Variants in COPS8 observed in about 807,000 individuals in gnomAD.
COPS8 encodes the protein COP9 signalosome subunit 8.
COPS8 carries 11 observed loss-of-function variants against 31.5 expected under a neutral mutation model. That is an observed-to-expected ratio of 0.35 (90% CI 0.22 to 0.58). The LOEUF (loss-of-function observed/expected upper bound fraction) is 0.58, where lower values mean the gene tolerates loss of function less well. Ranked by LOEUF, COPS8 falls within the 20% of genes least tolerant of loss-of-function variation. The pLI is 0.83. For synonymous variants in COPS8, 81 were observed against 89.3 expected (o/e 0.91, Z 0.52); for missense variants, 215 against 255.1 (o/e 0.84, Z 1.07).
intron 6 of COPS8, 95 bp from the exon 7 acceptor site, chr2:237,096,726 CG>C (rs1487445481): frequency 2.3e-6 from 2 of 876,970 alleles, no homozygotes; most frequent in African/African-American, 2.3e-5. Flanking sequence ...AATAAATGGC[CG>C]TTAAATGCAT....
Position 237,094,118 on chromosome 2 carries a change from G to C in COPS8, c.360G>C (p.Leu120=). The C allele has an allele frequency of 1.2e-6, 2 of 1,613,782 alleles. No individual in the cohort carries two copies. Among genetic ancestry groups the C allele is most frequent in the African/African-American group, 1.3e-5 (1 of 75,010 alleles). Residue 120 remains leucine, a synonymous_variant, in exon 5 of 8, where the codon CTG becomes CTC. Transcript: ENST00000354371. The stretch of plus-strand genomic sequence containing the variant: ...CAACAAGGAGACGCGCCTTTGCCCT[G>C]GTCTCTCAAGCGTATACTTCAATCA... The part of the protein sequence containing the change: ...RDATRRRAFA[L]VSQAYTSIIA...
At chr2:237,094,558 C>T (rs138252915) in intron 5 of COPS8, among the ~76,000 whole-genome samples, 65 of 152,186 alleles carry the variant, frequency 4.3e-4, no homozygotes, top group African/African-American at 1.6e-3. Context: ...ATACCCTAGG[C>T]GCTTGCTTGC....
chr2:237,086,726 A>G (rs1696621947), intron 1 of COPS8: 1 of 954,028 alleles, frequency 1.0e-6, no homozygotes, highest in Non-Finnish European at 1.2e-6. Flanking sequence ...TCTGTCTCTT[A>G]TTCAGGACGC....
chr2:237,086,391 TAC>T (rs377415740), intron 1 of COPS8, among the ~76,000 whole-genome samples: 1 of 151,890 alleles, frequency 6.6e-6, no homozygotes, highest in African/African-American at 2.4e-5. Context: ...GATCTTGGTA[TAC>T]ACACACACAC....
rs1180308602 is a variant in COPS8 at position 237,097,773 on chromosome 2, A to G, written c.*31A>G. 2.7e-6 allele frequency: 4 copies of G among 1,503,980 alleles called. No individual in the cohort carries two copies. Among genetic ancestry groups the G allele is most frequent in the South Asian group, 1.1e-5 (1 of 88,660 alleles). The allele number at this position is 1,503,980 out of a possible 1,614,324, so 93.2% of individuals were successfully genotyped here. On this transcript the variant is annotated 3_prime_UTR_variant, in exon 8 of 8. Transcript: ENST00000354371. Reference sequence around the variant, plus strand: ...CACTCTGAGTTCAAGATTCATCTTCAGAATCCTGTATACTGACAAACGTAG... The same window carrying G: ...CACTCTGAGTTCAAGATTCATCTTCGGAATCCTGTATACTGACAAACGTAG...
At position 237,094,128 on chromosome 2, in the gene COPS8, G is replaced by A; in HGVS notation, c.370G>A (p.Ala124Thr). The change falls in exon 5 of 8, where the codon GCG becomes ACG. Residue 124 changes from alanine (A) to threonine (T), a missense_variant. By Grantham distance (58) the Ala-to-Thr change is moderately conservative. Transcript: ENST00000354371. ...RRRAFALVSQ[A>T]YTSIIADDFA... ...ACGCGCCTTTGCCCTGGTCTCTCAA[G>A]CGTATACTTCAATCATCGCCGATGA... 1.2e-6 allele frequency: 2 copies of A among 1,614,054 alleles called. No individual in the cohort carries two copies. Among genetic ancestry groups the A allele is most frequent in the Non-Finnish European group, 8.5e-7 (1 of 1,179,964 alleles).
In COPS8 at chr2:237,093,846, G is replaced by A. The variant is rs116366624; in HGVS notation, c.332-244G>A. 1,538 of 1,143,180 alleles carry A rather than the reference G, an allele frequency of 1.3e-3. 21 individuals are homozygous for A. In the African/African-American group the frequency reaches 0.022, roughly 17 times the overall value. 70.8% of individuals were successfully genotyped at this position (1,143,180 alleles called of 1,614,324 possible). A position where few individuals can be genotyped will look rare whatever the true frequency, so the allele number is the denominator to read the frequency against. Reference sequence around the variant, plus strand: ...TGTTTAGTAACCTTTTTCCATCTTTGTAATTTTCATTATCTGAGATTTTTC... The same window carrying A: ...TGTTTAGTAACCTTTTTCCATCTTTATAATTTTCATTATCTGAGATTTTTC... On this transcript the variant is annotated intron_variant, in intron 4 of 7. Coordinates refer to ENST00000354371, the MANE Select transcript of COPS8 (RefSeq NM_006710.5).
At chr2:237,093,453 C>G (rs1382567329) in intron 4 of COPS8, among the ~76,000 whole-genome samples, 1 of 152,174 alleles carries the variant, frequency 6.6e-6, no homozygotes. Flanking sequence ...CTACCGTACT[C>G]CTGAGTTTAT....
intron 1 of COPS8, 62 bp downstream of exon 1, chr2:237,086,104 A>G: frequency 6.8e-7 from 1 of 1,465,090 alleles, no homozygotes; most frequent in Non-Finnish European, 9.4e-7. Context: ...GGGCGGCACC[A>G]GTTTCCAGGG....
At chr2:237,088,006 A>T (rs1696649979) in intron 2 of COPS8, among the ~76,000 whole-genome samples, 1 of 151,004 alleles carries the variant, frequency 6.6e-6, no homozygotes, top group African/African-American at 2.4e-5. Flanking sequence ...ATGATTCCTG[A>T]TAACATTTTA....
In COPS8 at chr2:237,089,846, A is replaced by G. The variant is rs1574836458; in HGVS notation, c.199-16A>G. On this transcript the variant is annotated splice_polypyrimidine_tract_variant and intron_variant, in intron 3 of 7. Transcript: ENST00000354371. ...TACAGAGTGAATACCCTCTAAGGCA[A>G]TAATATTTATTGCAGGCAAATTCTG... 1 of 1,611,478 alleles carries G rather than the reference A, an allele frequency of 6.2e-7. No homozygotes were observed. The highest frequency in any genetic ancestry group is 8.5e-7 in the Non-Finnish European group (1 of 1,179,346).
chr2:237,089,909 G>T lies in COPS8; in HGVS notation c.246G>T (p.Trp82Cys). The change falls in exon 4 of 8, where the codon TGG (tryptophan) becomes TGT (cysteine). Residue 82 changes from tryptophan to cysteine, a missense_variant. Physicochemically the swap from Trp to Cys is radical, Grantham distance 215. Coordinates refer to ENST00000354371, the MANE Select transcript of COPS8 (RefSeq NM_006710.5). ...GGIWSVGQRI[W>C]QRDFPGIYTT... is the part of the protein sequence containing the mutation. ...TTTGGTCAGTAGGACAAAGAATCTG[G>T]CAGAGAGATTTCCCTGGGATCTATA... 1 of 1,613,364 alleles carries T rather than the reference G, an allele frequency of 6.2e-7. No individual in the cohort carries two copies. The highest frequency in any genetic ancestry group is 8.5e-7 in the Non-Finnish European group (1 of 1,179,904).
In COPS8 at chr2:237,093,152, A is replaced by T. The variant is rs1696736916; in HGVS notation, c.332-938A>T. ...GCATTTCAGGCCACGGGATAGCATA[A>T]ACCAAAAGCCCCAGGGGGAGAAGGT... On this transcript the variant is annotated intron_variant, in intron 4 of 7. Coordinates refer to ENST00000354371, the MANE Select transcript of COPS8 (RefSeq NM_006710.5). Among the ~76,000 whole-genome samples the T allele has an allele frequency of 2.0e-5, 3 of 152,176 alleles. No individual in the cohort carries two copies. The South Asian group carries it at 6.2e-4, about 31-fold the overall frequency.
chr2:237,099,172 A>G lies in COPS8; in HGVS notation c.*1430A>G, dbSNP rs941455715. On this transcript the variant is annotated 3_prime_UTR_variant, in exon 8 of 8. Transcript: ENST00000354371. ...AGGTGTAAAAGGAGTGAAGATCTCTATACTAAACTGGAATGATCTCCAGAG... is the reference window on the plus strand; with the variant it reads ...AGGTGTAAAAGGAGTGAAGATCTCTGTACTAAACTGGAATGATCTCCAGAG... 3.9e-5 allele frequency: 6 copies of G among 152,158 alleles called. No individual in the cohort carries two copies. Among genetic ancestry groups the G allele is most frequent in the East Asian group, 1.9e-4 (1 of 5,194 alleles). The allele number at this position is 152,158 out of a possible 1,614,324, so 9.4% of individuals were successfully genotyped here.
At chr2:237,097,634 T>C (rs762879954) in intron 7 of COPS8, 29 bp from the exon 8 acceptor site, 23 of 1,549,306 alleles carry the variant, frequency 1.5e-5, no homozygotes, top group Middle Eastern at 1.7e-4. Context: ...GTATGTAACA[T>C]GAAGTGTGTT....
At chr2:237,096,657 G>C in intron 6 of COPS8, 165 bp from the exon 7 acceptor site, 2 of 659,790 alleles carry the variant, frequency 3.0e-6, no homozygotes, top group East Asian at 5.4e-5. Flanking sequence ...TGAGATAGTG[G>C]GGGAAGAGTA....
At chr2:237,091,375 C>T (rs1696703527) in intron 4 of COPS8, among the ~76,000 whole-genome samples, 1 of 152,150 alleles carries the variant, frequency 6.6e-6, no homozygotes, top group African/African-American at 2.4e-5. Flanking sequence ...AGAAATAGTA[C>T]TTTTTCAGGT....
intron 4 of COPS8, among the ~76,000 whole-genome samples, chr2:237,092,255 C>A (rs773318554): frequency 6.6e-6 from 1 of 152,182 alleles, no homozygotes; most frequent in East Asian, 1.9e-4. Context: ...AGTGACTAGT[C>A]GGAATGTAGA....
chr2:237,090,671 A>G (rs975107682), intron 4 of COPS8, among the ~76,000 whole-genome samples: 5 of 152,208 alleles, frequency 3.3e-5, no homozygotes, highest in African/African-American at 1.2e-4. Context: ...GAAGTCAGTG[A>G]GCAGGAATTT....
Sources: gnomAD v4.1 joint callset for allele counts (sites outside exome capture counted in the v4.1 genomes callset) on GRCh38, gnomAD v4.1.1 for gene constraint, MANE v1.5 for transcripts, NCBI Gene and HGNC (gene_info 2026-07-23, HGNC 2026-07-21) for gene names.